The following XDH variants were observed in gnomAD, a reference collection of about 807,000 sequenced individuals.
The protein encoded by XDH is xanthine dehydrogenase, also known as xanthine dehydrogenase/oxidase.
XDH carries 138 observed loss-of-function variants against 156.1 expected under a neutral mutation model. The ratio of observed to expected loss-of-function variants is 0.88; its 90% CI spans 0.77 to 1.02. The LOEUF is 1.02. Among genes scored for constraint, XDH ranks in the 50% least tolerant of loss-of-function variants. The pLI is 0.00. For synonymous variants in XDH, 669 were observed against 625.7 expected (o/e 1.07, Z -1.03); for missense variants, 1,849 against 1,684.9 (o/e 1.10, Z -1.71).
intron 13 of XDH, 128 bp from the exon 14 acceptor site, chr2:31,377,365 G>T: frequency 1.0e-6 from 1 of 991,396 alleles, no homozygotes; most frequent in Non-Finnish European, 1.6e-6. Flanking sequence ...GGGTGAACTG[G>T]CCCCGGGAAT....
Position 31,336,021 on chromosome 2 carries a change from G to C in XDH, c.3952-13C>G. 1 of 1,613,974 alleles carries C rather than the reference G, an allele frequency of 6.2e-7. No individual in the cohort carries two copies. Among genetic ancestry groups the C allele is most frequent in the Non-Finnish European group, 8.5e-7 (1 of 1,179,834 alleles). ...CACCAGTGACACACTAGGAAGGAAT[G>C]ATAGTGTTCTCATTGCCAGGGTCTG... On this transcript the variant is annotated splice_polypyrimidine_tract_variant and intron_variant, in intron 35 of 35. Coordinates refer to ENST00000379416, the MANE Select transcript of XDH (RefSeq NM_000379.4).
At chr2:31,339,392 A>T (rs760388078) in intron 34 of XDH, 97 bp downstream of exon 34, 35 of 1,514,988 alleles carry the variant, frequency 2.3e-5, no homozygotes, top group Middle Eastern at 2.3e-4. Flanking sequence ...ATGCCCTTTG[A>T]AGTCCCACCA....
At position 31,370,406 on chromosome 2, in the gene XDH, C is replaced by T. The variant is rs375460228; in HGVS notation, c.1929G>A (p.Gly643=). 5 of 1,614,004 alleles carry T rather than the reference C, an allele frequency of 3.1e-6. No homozygotes were observed. The Admixed American group carries it at 8.3e-5, about 27-fold the overall frequency. ...VCFISADDVP[G]SNITGICNDE... The stretch of plus-strand genomic sequence containing the variant: ...CATTACAAATTCCAGTTATGTTACT[C>T]CCAGGAACATCATCAGCGGAAATGA... Residue 643 remains glycine, a synonymous_variant, in exon 18 of 36, where the codon GGG becomes GGA. Transcript: ENST00000379416.
At chr2:31,378,615 G>A (rs1461210948) in intron 13 of XDH, among the ~76,000 whole-genome samples, 2 of 152,108 alleles carry the variant, frequency 1.3e-5, no homozygotes, top group Non-Finnish European at 2.9e-5. Context: ...CCTTTGTTCT[G>A]GAACAGAGGT....
intron 33 of XDH, among the ~76,000 whole-genome samples, 200 bp downstream of exon 33, chr2:31,341,129 A>G (rs1685112715): frequency 6.6e-6 from 1 of 152,134 alleles, no homozygotes; most frequent in South Asian, 2.1e-4. Flanking sequence ...AAGTTGACCC[A>G]TATTAATTTG....
Position 31,386,408 on chromosome 2 carries a change from C to A in XDH, c.793+6G>T. On this transcript the variant is annotated splice_donor_region_variant and intron_variant, in intron 9 of 35. Transcript: ENST00000379416. Reference sequence around the variant, plus strand: ...GCAGCCCCAGGGCAGCCTCCCTGGCCCTTACCAATCTCCGTGTTCCCCACG... The same window carrying A: ...GCAGCCCCAGGGCAGCCTCCCTGGCACTTACCAATCTCCGTGTTCCCCACG... The A allele has an allele frequency of 6.2e-7, 1 of 1,612,304 alleles. No homozygotes were observed. The highest frequency in any genetic ancestry group is 1.8e-4 in the Middle Eastern group (1 of 5,424).
chr2:31,387,718 G>T, intron 8 of XDH, 93 bp downstream of exon 8: 2 of 1,212,754 alleles, frequency 1.6e-6, no homozygotes, highest in Non-Finnish European at 2.4e-6. Context: ...GGACAAGAAA[G>T]ACACAAAGTT....
intron 24 of XDH, among the ~76,000 whole-genome samples, chr2:31,358,128 C>T (rs779210843): frequency 7.9e-5 from 12 of 152,112 alleles, no homozygotes; most frequent in East Asian, 1.9e-4. Flanking sequence ...CCCAAATCAA[C>T]GGAATGTACA....
intron 1 of XDH, among the ~76,000 whole-genome samples, chr2:31,407,056 T>C (rs989374898): frequency 1.3e-5 from 2 of 152,170 alleles, no homozygotes; most frequent in African/African-American, 4.8e-5. Context: ...TGTATATTAT[T>C]GGGATAATAA....
intron 30 of XDH, among the ~76,000 whole-genome samples, chr2:31,345,077 T>G (rs1419958022): frequency 6.6e-6 from 1 of 152,190 alleles, no homozygotes; most frequent in Admixed American, 6.5e-5. Flanking sequence ...AGCAAATGCC[T>G]GATGTTAAGG....
chr2:31,357,084 G>A (rs1344413713), intron 24 of XDH, among the ~76,000 whole-genome samples: 1 of 152,132 alleles, frequency 6.6e-6, no homozygotes, highest in Non-Finnish European at 1.5e-5. Context: ...TATGGGACCT[G>A]TCTAAAGTAG....
In XDH at chr2:31,339,560, T is replaced by G; in HGVS notation, c.3703A>C (p.Ser1235Arg). The stretch of plus-strand genomic sequence containing the variant: ...GACACCCTGAACTCAATGGGGATGC[T>G]GCCAAATGCCGGGATCTTGTAGGTG... ...PSTYKIPAFGSIPIEFRVSLL... is the reference protein window; with the variant it reads ...PSTYKIPAFGRIPIEFRVSLL... Residue 1235 changes from serine to arginine, a missense_variant, in exon 34 of 36, where the codon AGC (serine) becomes CGC (arginine). Physicochemically the swap from Ser to Arg is moderately radical, Grantham distance 110. Transcript: ENST00000379416. The G allele has an allele frequency of 3.7e-6, 6 of 1,614,208 alleles. No homozygotes were observed. Among genetic ancestry groups the G allele is most frequent in the Non-Finnish European group, 5.1e-6 (6 of 1,180,032 alleles).
intron 25 of XDH, 89 bp downstream of exon 25, chr2:31,349,942 GC>G (rs1372948431): frequency 6.2e-7 from 1 of 1,610,088 alleles, no homozygotes; most frequent in Non-Finnish European, 8.5e-7. Context: ...CCTGTCATCT[GC>G]CCCCATGGGA....
At chr2:31,387,660 C>T (rs923666194) in intron 8 of XDH, 151 bp downstream of exon 8, 2 of 711,896 alleles carry the variant, frequency 2.8e-6, no homozygotes, top group Middle Eastern at 2.9e-4. Context: ...GAGACTCAAC[C>T]TAGGGGAGTG....
rs536797677 is a variant in XDH at position 31,384,688 on chromosome 2, C to T, written c.794-841G>A. On this transcript the variant is annotated intron_variant, in intron 9 of 35. Transcript: ENST00000379416. ...TGACCTCTTTGCCCCCCCTTCCCCC[C>T]AGGTGCTGTTTAGGATTTCTGAAGG... is the stretch of plus-strand genomic sequence containing the variant. Among the ~76,000 whole-genome samples the T allele has an allele frequency of 9.8e-5, 15 of 152,336 alleles. No homozygotes were observed. The East Asian group carries it at 2.7e-3, about 27-fold the overall frequency.
chr2:31,398,010 T>C (rs1014881551), intron 5 of XDH, among the ~76,000 whole-genome samples: 1 of 152,222 alleles, frequency 6.6e-6, no homozygotes, highest in African/African-American at 2.4e-5. Context: ...CTTCATCAGT[T>C]AGCCTATCAG....
rs778307600 is a variant in XDH, at chr2:31,341,278, G to A, written c.3585+51C>T. Reference sequence around the variant, plus strand: ...GGCAGGTGGCCCCAGGAGGGGAATGGGGTGCATCGGTGGCCAAGTCTGTCA... The same window carrying A: ...GGCAGGTGGCCCCAGGAGGGGAATGAGGTGCATCGGTGGCCAAGTCTGTCA... On this transcript the variant is annotated intron_variant, in intron 33 of 35. Transcript: ENST00000379416. The A allele has an allele frequency of 4.0e-6, 6 of 1,518,560 alleles. No individual in the cohort carries two copies. The South Asian group carries it at 4.8e-5, about 12-fold the overall frequency. The allele number at this position is 1,518,560 out of a possible 1,614,324, so 94.1% of individuals were successfully genotyped here.
intron 6 of XDH, among the ~76,000 whole-genome samples, chr2:31,394,559 C>T (rs1393514804): frequency 1.3e-5 from 2 of 152,088 alleles, no homozygotes; most frequent in Non-Finnish European, 2.9e-5. Context: ...TTTCCTGACT[C>T]TGTGGTTTAA....
chr2:31,348,778 A>G (rs1685370967), intron 27 of XDH, 121 bp downstream of exon 27: 2 of 882,896 alleles, frequency 2.3e-6, no homozygotes, highest in Non-Finnish European at 3.7e-6. Context: ...TTAAAGAGCA[A>G]AGAGTTCCTC....
Sources: allele counts gnomAD v4.1 joint callset (sites outside exome capture counted in the v4.1 genomes callset), GRCh38; gene constraint gnomAD v4.1.1; transcripts MANE v1.5; gene names NCBI Gene and HGNC (gene_info 2026-07-23, HGNC 2026-07-21).